Variants in BNC2 observed in about 807,000 individuals in gnomAD.
BNC2 encodes basonuclin zinc finger protein 2.
BNC2 carries 20 observed loss-of-function variants against 76.3 expected under a neutral mutation model. That is an observed-to-expected ratio of 0.26 (90% confidence interval 0.18 to 0.38). The LOEUF is 0.38. Among genes scored for constraint, BNC2 ranks in the 10% least tolerant of loss-of-function variants. BNC2 has a pLI of 1.00. For synonymous variants in BNC2, 582 were observed against 514.8 expected (o/e 1.13, Z -1.77); for missense variants, 1,382 against 1,399.8 (o/e 0.99, Z 0.20).
At chr9:16,475,449 G>A (rs1379626620) in intron 5 of BNC2, among the ~76,000 whole-genome samples, 1 of 150,754 alleles carries the variant, frequency 6.6e-6, no homozygotes. Context: ...CATAATGCCA[G>A]GAAGACGCAA....
chr9:16,458,002 T>C lies in BNC2; in HGVS notation c.670-20478A>G, dbSNP rs181260756. ...TCAGTTCTGTTGCTCGATCCAGGAA[T>C]GGGTGGGTAGGTGGGAGAAAGAGGT... On this transcript the variant is annotated intron_variant, in intron 5 of 6. Coordinates refer to ENST00000380672, the MANE Select transcript of BNC2 (RefSeq NM_017637.6). 4.6e-5 allele frequency among the ~76,000 whole-genome samples: 7 copies of C among 152,258 alleles called. No individual in the cohort carries two copies. The East Asian group carries it at 1.4e-3, about 29-fold the overall frequency.
intron 4 of BNC2, among the ~76,000 whole-genome samples, chr9:16,565,167 C>G (rs1819133201): frequency 6.6e-6 from 1 of 152,170 alleles, no homozygotes; most frequent in Non-Finnish European, 1.5e-5. Flanking sequence ...TCAATCTTCT[C>G]AAAATACTGC....
chr9:16,706,843 T>A (rs190037834), intron 3 of BNC2, among the ~76,000 whole-genome samples: 1 of 152,334 alleles, frequency 6.6e-6, no homozygotes, highest in East Asian at 1.9e-4. Flanking sequence ...TACCAAAACC[T>A]ATGTGAAACA....
intron 5 of BNC2, among the ~76,000 whole-genome samples, chr9:16,481,068 C>G (rs1011062984): frequency 2.6e-5 from 4 of 152,132 alleles, no homozygotes; most frequent in Non-Finnish European, 5.9e-5. Context: ...TGTAAACGCA[C>G]CAATCAGCAC....
At chr9:16,846,139 CAAA>C (rs35798416) in intron 1 of BNC2, among the ~76,000 whole-genome samples, 217 of 109,678 alleles carry the variant, frequency 2.0e-3, no homozygotes, top group African/African-American at 5.3e-3. Flanking sequence ...GACACCGTCT[CAAA>C]AAAAAAAAAA....
intron 3 of BNC2, among the ~76,000 whole-genome samples, chr9:16,631,035 G>A (rs529657590): frequency 1.8e-4 from 27 of 152,132 alleles, no homozygotes; most frequent in African/African-American, 6.0e-4. Flanking sequence ...CACCATGTCC[G>A]GCCTGGAGCT....
At chr9:16,836,929 T>C (rs1195853761) in intron 1 of BNC2, among the ~76,000 whole-genome samples, 2 of 152,112 alleles carry the variant, frequency 1.3e-5, no homozygotes, top group African/African-American at 4.8e-5. Flanking sequence ...CAACTACATG[T>C]CTAAAAGGTA....
At chr9:16,664,987 G>C in intron 3 of BNC2, 1 of 451,584 alleles carries the variant, frequency 2.2e-6, no homozygotes, top group Admixed American at 2.4e-5. Flanking sequence ...CTTCATGGCA[G>C]AAGCAGGGAA....
intron 5 of BNC2, among the ~76,000 whole-genome samples, chr9:16,511,631 G>A (rs1822759125): frequency 6.6e-6 from 1 of 151,750 alleles, no homozygotes. Context: ...GTTTCGCTGT[G>A]TTGCCCAGGC....
At chr9:16,482,256 G>T (rs1822072388) in intron 5 of BNC2, among the ~76,000 whole-genome samples, 2 of 152,056 alleles carry the variant, frequency 1.3e-5, no homozygotes, top group Non-Finnish European at 2.9e-5. Flanking sequence ...GCATCATAAA[G>T]GATACTTCTG....
intron 1 of BNC2, among the ~76,000 whole-genome samples, chr9:16,861,825 T>TA (rs2136211075): frequency 6.6e-6 from 1 of 152,134 alleles, no homozygotes; most frequent in African/African-American, 2.4e-5. Flanking sequence ...ACGTCTCTAC[T>TA]AAAAATACAA....
At chr9:16,720,873 T>C (rs767992684) in intron 3 of BNC2, among the ~76,000 whole-genome samples, 36 of 152,178 alleles carry the variant, frequency 2.4e-4, no homozygotes, top group Non-Finnish European at 5.1e-4. Flanking sequence ...AAATGCTACA[T>C]ACAGCATTTG....
At position 16,726,370 on chromosome 9, in the gene BNC2, T is replaced by A. The variant is rs559146356; in HGVS notation, c.330+1427A>T. 4.7e-4 allele frequency among the ~76,000 whole-genome samples: 71 copies of A among 152,306 alleles called. 2 individuals are homozygous for A. Among genetic ancestry groups the A allele is most frequent in the Admixed American group, 4.2e-3 (64 of 15,300 alleles). On this transcript the variant is annotated intron_variant, in intron 3 of 6. Transcript: ENST00000380672. ...TCAAATGCATTTATCCTATTTAGAA[T>A]TGTGTGCTAAAACTGTTCTCTAGCT... is the stretch of plus-strand genomic sequence containing the variant.
chr9:16,860,540 T>C (rs1052946785), intron 1 of BNC2, among the ~76,000 whole-genome samples: 4 of 152,132 alleles, frequency 2.6e-5, no homozygotes, highest in African/African-American at 9.7e-5. Context: ...TTAATCCAAA[T>C]GGATTAAAGA....
At chr9:16,628,702 C>A (rs1287310748) in intron 3 of BNC2, among the ~76,000 whole-genome samples, 1 of 152,116 alleles carries the variant, frequency 6.6e-6, no homozygotes, top group Non-Finnish European at 1.5e-5. Flanking sequence ...TTAAACTTGC[C>A]ATTTATACAA....
At chr9:16,585,936 G>A (rs899614769) in intron 3 of BNC2, among the ~76,000 whole-genome samples, 29 of 152,028 alleles carry the variant, frequency 1.9e-4, no homozygotes, top group South Asian at 2.1e-4. Flanking sequence ...ATGCAGGTAT[G>A]CAGAAAGGAG....
intron 1 of BNC2, among the ~76,000 whole-genome samples, chr9:16,755,208 G>A (rs958594174): frequency 3.9e-5 from 6 of 152,158 alleles, no homozygotes; most frequent in African/African-American, 1.4e-4. Context: ...GAGAGCAAGA[G>A]AGCATGAGAA....
intron 5 of BNC2, among the ~76,000 whole-genome samples, chr9:16,515,377 G>A (rs894911396): frequency 1.3e-5 from 2 of 152,214 alleles, no homozygotes; most frequent in African/African-American, 4.8e-5. Flanking sequence ...GTGCTGAAAG[G>A]AATGCTACGG....
chr9:16,479,522 A>C (rs1822001109), intron 5 of BNC2, among the ~76,000 whole-genome samples: 2 of 152,200 alleles, frequency 1.3e-5, no homozygotes, highest in African/African-American at 2.4e-5. Context: ...AATACACAGA[A>C]AAGTCGAATG....
Sources: allele counts gnomAD v4.1 joint callset (sites outside exome capture counted in the v4.1 genomes callset), GRCh38; gene constraint gnomAD v4.1.1; transcripts MANE v1.5; gene names NCBI Gene and HGNC (gene_info 2026-07-23, HGNC 2026-07-21).